The following ADAMTS17 variants were observed in gnomAD, a reference collection of about 807,000 sequenced individuals.
The protein encoded by ADAMTS17 is A disintegrin and metalloproteinase with thrombospondin motifs 17.
Under a neutral mutation model 141.5 loss-of-function variants are expected in ADAMTS17, and 113 were observed. That is an observed-to-expected ratio of 0.80 (90% CI 0.69 to 0.93). ADAMTS17 has a LOEUF of 0.93. Among genes scored for constraint, ADAMTS17 ranks in the 40% least tolerant of loss-of-function variants. The pLI, the probability that ADAMTS17 is intolerant of heterozygous loss-of-function variation, is 0.00. For synonymous variants in ADAMTS17, 768 were observed against 630.6 expected (o/e 1.22, Z -3.27); for missense variants, 1,659 against 1,517.9 (o/e 1.09, Z -1.54).
chr15:100,339,478 C>T (rs2046299893), intron 2 of ADAMTS17, among the ~76,000 whole-genome samples: 1 of 152,136 alleles, frequency 6.6e-6, no homozygotes, highest in South Asian at 2.1e-4. Context: ...CCCTTCCAGT[C>T]CCTCCCAGAA....
Position 100,254,155 on chromosome 15 carries a change from A to G in ADAMTS17, c.1056T>C (p.Asp352=), listed in dbSNP as rs749171924. 20 of 1,613,404 alleles carry G rather than the reference A, an allele frequency of 1.2e-5. No individual in the cohort carries two copies. Among genetic ancestry groups the G allele is most frequent in the African/African-American group, 1.2e-4 (9 of 74,884 alleles). ...ACTTACCAACAGTGTCACACGGTTC[A>G]TCCTTGTGTACACAGAAATCTGTCC... The part of the protein sequence containing the change: ...VTRTDFCVHK[D]EPCDTVGIAY... Residue 352 remains aspartate, a synonymous_variant, in exon 7 of 22, where the codon GAT becomes GAC. Coordinates refer to ENST00000268070, the MANE Select transcript of ADAMTS17 (RefSeq NM_139057.4).
At chr15:100,157,936 T>C (rs1163046867) in intron 8 of ADAMTS17, among the ~76,000 whole-genome samples, 3 of 149,882 alleles carry the variant, frequency 2.0e-5, no homozygotes, top group Non-Finnish European at 4.4e-5. Context: ...TCACCCAGGC[T>C]GGAGTGCAGT....
chr15:100,244,600 ATGGG>A (rs1160428636), intron 7 of ADAMTS17, among the ~76,000 whole-genome samples: 5 of 151,936 alleles, frequency 3.3e-5, no homozygotes, highest in African/African-American at 1.2e-4. Flanking sequence ...CCCGCTTCTC[ATGGG>A]TGGCACCTGG....
At chr15:100,014,557 T>C (rs2061251279) in intron 18 of ADAMTS17, among the ~76,000 whole-genome samples, 1 of 152,224 alleles carries the variant, frequency 6.6e-6, no homozygotes, top group Non-Finnish European at 1.5e-5. Context: ...TGACAGGTTG[T>C]GTCATTACTG....
At chr15:100,139,120 T>C (rs1567238597) in intron 10 of ADAMTS17, among the ~76,000 whole-genome samples, 1 of 152,052 alleles carries the variant, frequency 6.6e-6, no homozygotes, top group Non-Finnish European at 1.5e-5. Context: ...ATATAAGGGT[T>C]GGCTCTTTGG....
intron 20 of ADAMTS17, among the ~76,000 whole-genome samples, chr15:99,977,382 ATATATATATATATATATAATTTTTTTTTT>A (rs2060375572): frequency 4.8e-5 from 1 of 20,928 alleles, no homozygotes; most frequent in African/African-American, 2.2e-4. Context: ...ATATATATAT[ATATATATATATATATATAATTTTTTTTTT>A]TTTTTTTTTT....
intron 15 of ADAMTS17, among the ~76,000 whole-genome samples, chr15:100,058,305 C>CCCTCCTATCCCGGCTCTA (rs2141631030): frequency 3.8e-5 from 2 of 53,216 alleles, no homozygotes; most frequent in African/African-American, 6.2e-5. Context: ...CCGGCTCTAA[C>CCCTCCTATCCCGGCTCTA]ACCCCTATCC....
intron 3 of ADAMTS17, among the ~76,000 whole-genome samples, chr15:100,285,960 C>G (rs868099683): frequency 5.3e-5 from 8 of 152,306 alleles, no homozygotes; most frequent in Middle Eastern, 6.8e-3. Flanking sequence ...GCCAGCCTCT[C>G]CTAGGGCCCC....
intron 15 of ADAMTS17, among the ~76,000 whole-genome samples, chr15:100,093,361 C>T (rs764103796): frequency 1.3e-5 from 2 of 152,120 alleles, no homozygotes; most frequent in Non-Finnish European, 2.9e-5. Flanking sequence ...CATTTGATTC[C>T]GCTTTATCTT....
intron 4 of ADAMTS17, among the ~76,000 whole-genome samples, chr15:100,277,563 G>A (rs1400902951): frequency 6.6e-6 from 1 of 152,216 alleles, no homozygotes; most frequent in Admixed American, 6.5e-5. Flanking sequence ...ATCTGCAGAT[G>A]AAAACATCTG....
At chr15:100,288,380 G>C (rs1299474761) in intron 3 of ADAMTS17, among the ~76,000 whole-genome samples, 2 of 152,110 alleles carry the variant, frequency 1.3e-5, no homozygotes, top group African/African-American at 4.8e-5. Flanking sequence ...ATTTCTTAGA[G>C]ACCTACAAAG....
At chr15:100,113,771 G>A (rs555266295) in intron 13 of ADAMTS17, among the ~76,000 whole-genome samples, 7 of 152,168 alleles carry the variant, frequency 4.6e-5, no homozygotes, top group African/African-American at 1.7e-4. Context: ...CGGAGCTGTC[G>A]TCAGAGAGTC....
intron 13 of ADAMTS17, among the ~76,000 whole-genome samples, chr15:100,113,239 T>C (rs929169676): frequency 2.7e-4 from 41 of 152,322 alleles, no homozygotes; most frequent in African/African-American, 9.9e-4. Context: ...CTGCTCGTGG[T>C]TGACGGATCC....
At chr15:99,981,215 C>G (rs1016728989) in intron 20 of ADAMTS17, among the ~76,000 whole-genome samples, 2 of 152,226 alleles carry the variant, frequency 1.3e-5, no homozygotes, top group African/African-American at 2.4e-5. Context: ...TACTCATTAT[C>G]TTTCCTAGCA....
intron 8 of ADAMTS17, among the ~76,000 whole-genome samples, chr15:100,167,247 A>G (rs1281665648): frequency 6.6e-6 from 1 of 152,146 alleles, no homozygotes; most frequent in Admixed American, 6.6e-5. Context: ...TTTGCCCACA[A>G]ATTACTCACA....
intron 12 of ADAMTS17, among the ~76,000 whole-genome samples, chr15:100,130,320 G>C (rs1376738426): frequency 1.3e-5 from 2 of 151,278 alleles, no homozygotes; most frequent in African/African-American, 2.4e-5. Context: ...GCCGAGACTG[G>C]GCCACCGCAC....
intron 2 of ADAMTS17, among the ~76,000 whole-genome samples, chr15:100,335,166 C>T (rs2046171477): frequency 6.6e-6 from 1 of 152,148 alleles, no homozygotes; most frequent in African/African-American, 2.4e-5. Context: ...GCCCAGCAGT[C>T]AGTTTAACGG....
Position 100,279,706 on chromosome 15 carries a change from C to T in ADAMTS17, c.789+1523G>A, listed in dbSNP as rs777997140. Among the ~76,000 whole-genome samples the T allele has an allele frequency of 3.9e-5, 6 of 152,286 alleles. 1 individual carries two copies. The Middle Eastern group carries it at 0.01, about 259-fold the overall frequency. On this transcript the variant is annotated intron_variant, in intron 4 of 21. Transcript: ENST00000268070. ...CAGGCCTGAGGCTAAACCTCACACTCGGAACCTTCGCACCCCTTTCCCTCT... is the reference window on the plus strand; with the variant it reads ...CAGGCCTGAGGCTAAACCTCACACTTGGAACCTTCGCACCCCTTTCCCTCT...
At chr15:100,167,257 A>G (rs2039986335) in intron 8 of ADAMTS17, among the ~76,000 whole-genome samples, 1 of 152,206 alleles carries the variant, frequency 6.6e-6, no homozygotes, top group Admixed American at 6.5e-5. Context: ...AATTACTCAC[A>G]GATACTTGGA....
Sources: gnomAD v4.1 joint callset for allele counts (sites outside exome capture counted in the v4.1 genomes callset) on GRCh38, gnomAD v4.1.1 for gene constraint, MANE v1.5 for transcripts, NCBI Gene and HGNC (gene_info 2026-07-23, HGNC 2026-07-21) for gene names.